LUZP2: variants seen among roughly 807,000 people sequenced by gnomAD.
LUZP2 encodes leucine zipper protein 2.
Under a neutral mutation model 51.6 loss-of-function variants are expected in LUZP2, and 52 were observed. That is an observed-to-expected ratio of 1.01 (90% CI 0.81 to 1.27). LUZP2 has a LOEUF of 1.27. Ranked by LOEUF, LUZP2 falls within the 50% of genes most tolerant of loss-of-function variation. The pLI, the probability that LUZP2 is intolerant of heterozygous loss-of-function variation, is 0.00. For synonymous variants in LUZP2, 154 were observed against 137.3 expected, an observed-to-expected ratio of 1.12 and a Z score of -0.85; for missense variants, 436 against 395.4, an observed-to-expected ratio of 1.10 and a Z score of -0.87.
intron 1 of LUZP2, among the ~76,000 whole-genome samples, chr11:24,512,467 G>A (rs1242518515): frequency 6.6e-6 from 1 of 152,122 alleles, no homozygotes; most frequent in African/African-American, 2.4e-5. Flanking sequence ...TGCTGAAGCA[G>A]CATCAGTCTT....
chr11:24,898,150 A>T (rs1590704550), intron 5 of LUZP2, among the ~76,000 whole-genome samples: 1 of 152,320 alleles, frequency 6.6e-6, no homozygotes, highest in Non-Finnish European at 1.5e-5. Context: ...TATTTGGTAT[A>T]TCTGTGAGAA....
chr11:25,013,229 G>A lies in LUZP2; in HGVS notation c.765+29936G>A, dbSNP rs546276416. Among the ~76,000 whole-genome samples the A allele has an allele frequency of 6.6e-5, 10 of 152,176 alleles. No homozygotes were observed. In the South Asian group the frequency reaches 2.1e-3, roughly 32 times the overall value. ...ACAGAATGTGAAGGGTGAGTTGGGG[G>A]AGGGGAGGAGGATGAAGAGGAGTGG... is the stretch of plus-strand genomic sequence containing the variant. On this transcript the variant is annotated intron_variant, in intron 9 of 11. Coordinates refer to ENST00000336930, the MANE Select transcript of LUZP2 (RefSeq NM_001009909.4).
chr11:25,056,576 T>C (rs1046362654), intron 10 of LUZP2, among the ~76,000 whole-genome samples: 3 of 152,248 alleles, frequency 2.0e-5, no homozygotes, highest in Non-Finnish European at 2.9e-5. Context: ...TTTCCTAACA[T>C]TGTCGCTCTG....
intron 1 of LUZP2, among the ~76,000 whole-genome samples, chr11:24,545,633 C>G (rs920878937): frequency 1.6e-5 from 2 of 126,932 alleles, no homozygotes; most frequent in Non-Finnish European, 3.2e-5. Flanking sequence ...CTATTCTGTT[C>G]CATTGGTCTG....
intron 4 of LUZP2, among the ~76,000 whole-genome samples, chr11:24,753,271 T>C (rs928219142): frequency 6.6e-6 from 1 of 152,100 alleles, no homozygotes; most frequent in Non-Finnish European, 1.5e-5. Flanking sequence ...GAGGAAGAGA[T>C]GACTAAGGCG....
chr11:24,497,412 T>A, intron 1 of LUZP2, 107 bp downstream of exon 1: 2 of 714,252 alleles, frequency 2.8e-6, no homozygotes, highest in Non-Finnish European at 4.1e-6. Flanking sequence ...TGTTTGCATC[T>A]CCCGCCTAAG....
intron 4 of LUZP2, among the ~76,000 whole-genome samples, chr11:24,753,777 A>G (rs79923459): frequency 0.031 from 4,672 of 152,252 alleles, 114 homozygotes; most frequent in South Asian, 0.1. Context: ...CCTCAGCCAG[A>G]GATTAAGCCA....
chr11:24,713,777 C>A (rs2133936504), intron 1 of LUZP2, among the ~76,000 whole-genome samples: 1 of 140,288 alleles, frequency 7.1e-6, no homozygotes, highest in South Asian at 2.3e-4. Context: ...GAACCTCTGT[C>A]TCTTGGGTTC....
At chr11:24,917,669 G>T (rs1853838034) in intron 7 of LUZP2, among the ~76,000 whole-genome samples, 1 of 151,648 alleles carries the variant, frequency 6.6e-6, no homozygotes, top group Non-Finnish European at 1.5e-5. Context: ...ATTTCTGAGG[G>T]CTCTGTTCTG....
intron 10 of LUZP2, among the ~76,000 whole-genome samples, chr11:25,076,657 GGGAGGGAA>G (rs373112140): frequency 2.1e-5 from 3 of 144,598 alleles, no homozygotes; most frequent in Non-Finnish European, 4.5e-5. Context: ...AAGGAAGGGA[GGGAGGGAA>G]GGAGGGAGGG....
chr11:24,569,074 C>T (rs1852340007), intron 1 of LUZP2, among the ~76,000 whole-genome samples: 1 of 134,912 alleles, frequency 7.4e-6, no homozygotes, highest in African/African-American at 2.9e-5. Context: ...AAAGCATTAA[C>T]TATTGTAATA....
intron 1 of LUZP2, among the ~76,000 whole-genome samples, chr11:24,644,790 G>A (rs1231119003): frequency 6.6e-6 from 1 of 152,122 alleles, no homozygotes; most frequent in Non-Finnish European, 1.5e-5. Flanking sequence ...TTTAAAATTA[G>A]TTTGTCTGGG....
chr11:24,793,807 A>G (rs929948437), intron 5 of LUZP2, among the ~76,000 whole-genome samples: 7 of 152,154 alleles, frequency 4.6e-5, no homozygotes, highest in African/African-American at 1.7e-4. Flanking sequence ...AGGCAACAGC[A>G]GCTGCTTTAA....
rs76327504 is a variant in LUZP2, at chr11:24,649,589, C to T, written c.63-79580C>T. On this transcript the variant is annotated intron_variant, in intron 1 of 11. Transcript: ENST00000336930. ...TTGAAGTCTGAGCTTTTCTGGTGTT[C>T]GAAGAGTCACTAATATATTTTTGCT... Among the ~76,000 whole-genome samples, 1,060 of 151,926 alleles carry T rather than the reference C, an allele frequency of 7.0e-3. 7 individuals are homozygous for T. The highest frequency in any genetic ancestry group is 0.011 in the African/African-American group (467 of 41,490).
At chr11:25,027,341 C>A (rs1857520683) in intron 9 of LUZP2, among the ~76,000 whole-genome samples, 2 of 151,898 alleles carry the variant, frequency 1.3e-5, no homozygotes, top group African/African-American at 2.4e-5. Context: ...TAGAATAATT[C>A]TCCTCTTGAT....
chr11:24,684,817 T>C (rs916716313), intron 1 of LUZP2, among the ~76,000 whole-genome samples: 1 of 152,178 alleles, frequency 6.6e-6, no homozygotes, highest in African/African-American at 2.4e-5. Flanking sequence ...AACTAGGAAT[T>C]TATGGGATCA....
At chr11:24,951,403 T>C (rs1855074977) in intron 7 of LUZP2, among the ~76,000 whole-genome samples, 1 of 151,580 alleles carries the variant, frequency 6.6e-6, no homozygotes. Flanking sequence ...ATAAGGGCCT[T>C]GTCCATTAGC....
intron 5 of LUZP2, among the ~76,000 whole-genome samples, chr11:24,808,485 C>G (rs1849919036): frequency 6.6e-6 from 1 of 152,126 alleles, no homozygotes; most frequent in Admixed American, 6.6e-5. Context: ...ATTGAAGAAA[C>G]AGTTTTTCCA....
intron 1 of LUZP2, among the ~76,000 whole-genome samples, chr11:24,641,213 C>T (rs192590576): frequency 6.6e-6 from 1 of 151,392 alleles, no homozygotes; most frequent in African/African-American, 2.4e-5. Context: ...TCTTACCCTG[C>T]CAACGTTTTC....
Sources: gnomAD v4.1 joint callset for allele counts (sites outside exome capture counted in the v4.1 genomes callset) on GRCh38, gnomAD v4.1.1 for gene constraint, MANE v1.5 for transcripts, NCBI Gene and HGNC (gene_info 2026-07-23, HGNC 2026-07-21) for gene names.